The following GRAMD4 variants were observed in gnomAD, a reference collection of about 807,000 sequenced individuals.
The protein encoded by GRAMD4 is GRAM domain-containing protein 4.
Under a neutral mutation model 83.9 loss-of-function variants are expected in GRAMD4, and 25 were observed. That is an observed-to-expected ratio of 0.30 (90% CI 0.22 to 0.42). GRAMD4 has a LOEUF of 0.42. Among genes scored for constraint, GRAMD4 ranks in the 10% least tolerant of loss-of-function variants. The probability of loss-of-function intolerance (pLI) is 1.00; values close to 1 mark genes in which losing one functional copy is unlikely to be tolerated. For missense variants in GRAMD4, 593 were observed against 788.7 expected (o/e 0.75, Z 2.97); for synonymous variants, 336 against 320.9 (o/e 1.05, Z -0.50).
chr22:46,643,111 C>CCATCCATCCATG (rs1569283729), intron 3 of GRAMD4, among the ~76,000 whole-genome samples: 3 of 150,434 alleles, frequency 2.0e-5, no homozygotes, highest in African/African-American at 7.4e-5. Context: ...ATCCATCCAT[C>CCATCCATCCATG]CATCCATCCA....
chr22:46,673,628 G>A (rs150446642), intron 14 of GRAMD4, 42 bp from the exon 15 acceptor site: 49 of 1,595,190 alleles, frequency 3.1e-5, no homozygotes, highest in African/African-American at 2.0e-4. Context: ...TGCTGCAGGC[G>A]TGGGCAGCGG....
At chr22:46,630,923 T>C (rs372264440) in intron 2 of GRAMD4, among the ~76,000 whole-genome samples, 3 of 147,290 alleles carry the variant, frequency 2.0e-5, no homozygotes, top group African/African-American at 7.5e-5. Context: ...CATAGCTCCC[T>C]CGAGGGCCGT....
intron 3 of GRAMD4, among the ~76,000 whole-genome samples, chr22:46,648,196 AGATG>A (rs1456410583): frequency 3.3e-5 from 5 of 150,598 alleles, no homozygotes; most frequent in Non-Finnish European, 6.0e-5. Flanking sequence ...GTGGACATGT[AGATG>A]GATGGATGGG....
chr22:46,604,809 T>C (rs903689008), intron 1 of GRAMD4, among the ~76,000 whole-genome samples: 2 of 149,658 alleles, frequency 1.3e-5, no homozygotes, highest in Admixed American at 6.6e-5. Context: ...TCACCCAGGT[T>C]TTGGTGCCAT....
upstream of GRAMD4, among the ~76,000 whole-genome samples, chr22:46,620,116 C>CT (rs1163342084): frequency 3.5e-3 from 514 of 147,590 alleles, 5 homozygotes; most frequent in Admixed American, 0.027. The surrounding 1 kb of genome is among the most constrained non-coding windows in gnomAD (Gnocchi z 4.7). Flanking sequence ...CCAGGAACCA[C>CT]TTTTTTTTTT....
chr22:46,676,527 CT>C, intron 17 of GRAMD4, 72 bp from the exon 18 acceptor site: 1 of 1,378,346 alleles, frequency 7.3e-7, no homozygotes, highest in Admixed American at 2.0e-5. Flanking sequence ...GGAGGATGCC[CT>C]GGGCCTGTGG....
chr22:46,606,773 A>T (rs1000855689), intron 1 of GRAMD4, among the ~76,000 whole-genome samples: 6 of 152,206 alleles, frequency 3.9e-5, no homozygotes, highest in Admixed American at 3.9e-4. Flanking sequence ...GGCCGATTGG[A>T]CGGGCACTCG....
rs188123008 is a variant in GRAMD4, at chr22:46,580,062, G to A, written c.-50+2772G>A. ...GAGGCTGCTGCCTGGCCTCTTTAGG[G>A]GTAAGGAGACTGTCTCTGCAGAAAG... On this transcript the variant is annotated intron_variant, in intron 1 of 1. Transcript: ENST00000431155. Among the ~76,000 whole-genome samples, 111 of 152,320 alleles carry A rather than the reference G, an allele frequency of 7.3e-4. 1 individual carries two copies. Among genetic ancestry groups the A allele is most frequent in the Admixed American group, 7.2e-3 (110 of 15,300 alleles).
chr22:46,637,817 A>T (rs200380089), intron 2 of GRAMD4, 23 bp from the exon 3 acceptor site: 2 of 1,613,026 alleles, frequency 1.2e-6, no homozygotes, highest in East Asian at 2.2e-5. Flanking sequence ...GGCCCCTTTG[A>T]GCTTTTGGTG....
chr22:46,614,411 G>A (rs756321650), intron 1 of GRAMD4, among the ~76,000 whole-genome samples: 2 of 152,328 alleles, frequency 1.3e-5, no homozygotes, highest in Non-Finnish European at 1.5e-5. Flanking sequence ...TACGAATGGC[G>A]TAAAAGCCTT....
rs1337896100 is a variant in GRAMD4, at chr22:46,648,727, C to CATGGATGG, written c.284-9448_284-9441dup. Among the ~76,000 whole-genome samples the CATGGATGG allele has an allele frequency of 2.8e-4, 17 of 59,772 alleles. 1 individual carries two copies. Among genetic ancestry groups the CATGGATGG allele is most frequent in the Middle Eastern group, 9.4e-3 (1 of 106 alleles). 39.2% of individuals were successfully genotyped at this position (59,772 alleles called of 152,430 possible). A position where few individuals can be genotyped will look rare whatever the true frequency, so the allele number is the denominator to read the frequency against. On this transcript the variant is annotated intron_variant, in intron 3 of 18. Transcript: ENST00000406902. ...GGATGGATGGATGGATGGATGGATG[C>CATGGATGG]ATGGATGGATGGATGGATGCATGGA...
chr22:46,674,303 G>A (rs1195819600), intron 15 of GRAMD4, among the ~76,000 whole-genome samples: 1 of 152,146 alleles, frequency 6.6e-6, no homozygotes, highest in Admixed American at 6.5e-5. Flanking sequence ...ACGGAGCTTC[G>A]TCCTCTGCTG....
intron 1 of GRAMD4, among the ~76,000 whole-genome samples, chr22:46,597,421 T>A (rs939757925): frequency 6.6e-6 from 1 of 152,226 alleles, no homozygotes; most frequent in Admixed American, 6.5e-5. Flanking sequence ...GGTAGTTACC[T>A]CTCCTTCTCT....
chr22:46,584,893 A>G (rs1231271435), intron 1 of GRAMD4, among the ~76,000 whole-genome samples: 1 of 152,210 alleles, frequency 6.6e-6, no homozygotes, highest in Non-Finnish European at 1.5e-5. Context: ...AGGAGGAGAA[A>G]GGCTGCCGGC....
At chr22:46,632,567 C>T (rs759897472) in intron 2 of GRAMD4, among the ~76,000 whole-genome samples, 2 of 152,158 alleles carry the variant, frequency 1.3e-5, no homozygotes, top group Non-Finnish European at 2.9e-5. Flanking sequence ...CTCTGTAGGT[C>T]TGAGAAGGGG....
intron 2 of GRAMD4, 87 bp downstream of exon 2, chr22:46,627,048 C>A: frequency 1.1e-6 from 1 of 892,340 alleles, no homozygotes; most frequent in Non-Finnish European, 1.8e-6. Flanking sequence ...CAGGCAGATT[C>A]GTGTCCTGCC....
intron 1 of GRAMD4, among the ~76,000 whole-genome samples, chr22:46,609,266 G>T (rs1193210306): frequency 6.6e-6 from 1 of 152,226 alleles, no homozygotes; most frequent in Non-Finnish European, 1.5e-5. Context: ...CTCCGCGCAG[G>T]AGCCTGGGTC....
chr22:46,620,296 G>A, upstream of GRAMD4: 2 of 985,562 alleles, frequency 2.0e-6, no homozygotes, highest in Non-Finnish European at 2.4e-6. This position sits in a 1 kb window ranked among gnomAD's most constrained non-coding sequence, Gnocchi z 4.7. Context: ...TTGCAGAGAG[G>A]GCCTGGAGCC....
intron 1 of GRAMD4, among the ~76,000 whole-genome samples, chr22:46,607,205 A>G (rs74281183): frequency 1.8e-4 from 20 of 108,978 alleles, no homozygotes; most frequent in East Asian, 3.5e-4. Context: ...GTCTTTAAAA[A>G]GGGGGGGGTC....
Sources: gnomAD v4.1 joint callset for allele counts (sites outside exome capture counted in the v4.1 genomes callset) on GRCh38, gnomAD v4.1.1 for gene constraint, Gnocchi (gnomAD v3.1) non-coding constraint, MANE v1.5 for transcripts, NCBI Gene and HGNC (gene_info 2026-07-23, HGNC 2026-07-21) for gene names.